Variants in PCTP observed in about 807,000 individuals in gnomAD.
PCTP encodes the protein START domain-containing protein 2.
A neutral mutation model predicts 31.0 loss-of-function variants in PCTP; 27 were observed. The observed-to-expected ratio is 0.87, with a 90% CI of 0.64 to 1.20. The LOEUF (loss-of-function observed/expected upper bound fraction) is 1.20, where lower values mean the gene tolerates loss of function less well. Ranked by LOEUF, PCTP falls within the 50% of genes most tolerant of loss-of-function variation. The probability of loss-of-function intolerance (pLI) is 0.00; values close to 1 mark genes in which losing one functional copy is unlikely to be tolerated. For missense variants in PCTP, 287 were observed against 268.2 expected (o/e 1.07, Z -0.49); for synonymous variants, 108 against 101.2 (o/e 1.07, Z -0.40).
chr17:55,800,073 G>C (rs1309747920), intron 3 of PCTP, among the ~76,000 whole-genome samples: 1 of 152,038 alleles, frequency 6.6e-6, no homozygotes, highest in Admixed American at 6.6e-5. Context: ...TTCTCGAGGA[G>C]TATCTTTGCG....
At chr17:55,847,359 C>T (rs1444747905), downstream of PCTP, among the ~76,000 whole-genome samples, 2 of 152,204 alleles carry the variant, frequency 1.3e-5, no homozygotes, top group Non-Finnish European at 2.9e-5. Context: ...TGCTTGTAAT[C>T]CCCAGGTATT....
rs567849493 is a variant in PCTP at position 55,766,567 on chromosome 17, C to T, written c.142-768C>T. ...GAGAATGATGATTTCCAATTTCATC[C>T]ATGTCCCTACAAAGGACATGAACTC... On this transcript the variant is annotated intron_variant, in intron 1 of 5. Transcript: ENST00000268896. Among the ~76,000 whole-genome samples the T allele has an allele frequency of 7.8e-3, 1,190 of 151,796 alleles. 27 individuals carry two copies. The highest frequency in any genetic ancestry group is 0.027 in the African/African-American group (1,121 of 41,340).
chr17:55,834,057 C>T (rs1436397587), intron 5 of PCTP, among the ~76,000 whole-genome samples: 5 of 152,094 alleles, frequency 3.3e-5, no homozygotes, highest in Non-Finnish European at 5.9e-5. Context: ...TCTCACGAAA[C>T]ACAAGCATAA....
chr17:55,826,470 A>AAG (rs1030719456), downstream of PCTP, among the ~76,000 whole-genome samples: 2 of 151,606 alleles, frequency 1.3e-5, no homozygotes, highest in African/African-American at 4.9e-5. Flanking sequence ...AAGATAAGAA[A>AAG]AAAAAAAAAA....
chr17:55,796,617 C>T (rs554752107), intron 3 of PCTP, among the ~76,000 whole-genome samples: 3 of 152,034 alleles, frequency 2.0e-5, no homozygotes, highest in East Asian at 1.9e-4. Flanking sequence ...TATCATTAGT[C>T]TTTAATTAGG....
chr17:55,844,918 T>G (rs917183798), downstream of PCTP, among the ~76,000 whole-genome samples: 1 of 151,290 alleles, frequency 6.6e-6, no homozygotes, highest in Non-Finnish European at 1.5e-5. Flanking sequence ...TGAAACCCTG[T>G]CTCTACTAGA....
chr17:55,835,156 C>T (rs1193171734), intron 5 of PCTP, among the ~76,000 whole-genome samples: 1 of 152,064 alleles, frequency 6.6e-6, no homozygotes, highest in African/African-American at 2.4e-5. Context: ...AGGGATCCTC[C>T]CTTAGAGACT....
downstream of PCTP, among the ~76,000 whole-genome samples, chr17:55,845,155 A>C (rs1342922367): frequency 6.6e-6 from 1 of 151,266 alleles, no homozygotes; most frequent in Non-Finnish European, 1.5e-5. Context: ...ACGTGCACTA[A>C]ACATTTAATA....
rs750877010 is a variant in PCTP at position 55,751,266 on chromosome 17, G to A, written c.141+22G>A. On this transcript the variant is annotated intron_variant, in intron 1 of 5. Coordinates refer to ENST00000268896, the MANE Select transcript of PCTP (RefSeq NM_021213.4). Reference sequence around the variant, plus strand: ...CAAGGTAGCGGCCAACCCGCTGGAGGACCGCGGGGCCTAGAATGCGCCGGG... The same window carrying A: ...CAAGGTAGCGGCCAACCCGCTGGAGAACCGCGGGGCCTAGAATGCGCCGGG... 3.7e-5 allele frequency: 56 copies of A among 1,528,346 alleles called. No homozygotes were observed. In the African/African-American group the frequency reaches 7.3e-4, roughly 20 times the overall value. The allele number at this position is 1,528,346 out of a possible 1,614,324, so 94.7% of individuals were successfully genotyped here.
rs754425467 is a variant in PCTP at position 55,773,878 on chromosome 17, G to C, written c.494G>C (p.Gly165Ala). The C allele has an allele frequency of 7.5e-6, 12 of 1,606,972 alleles. No individual in the cohort carries two copies. The East Asian group carries it at 2.7e-4, about 36-fold the overall frequency. ...CAGAGCCTGGCGATCGAGAGTGACG[G>C]CAAGAAGGGGAGCAAAGGTAAAACC... ...YKQSLAIESD[G>A]KKGSKVFMYY... Residue 165 changes from glycine to alanine, a missense_variant, in exon 4 of 6, where the codon GGC becomes GCC. Transcript: ENST00000268896.
At chr17:55,845,235 C>T (rs1390528989), downstream of PCTP, among the ~76,000 whole-genome samples, 1 of 152,032 alleles carries the variant, frequency 6.6e-6, no homozygotes, top group African/African-American at 2.4e-5. Context: ...TAGCCTTCAG[C>T]TCAGCCAATA....
At chr17:55,816,611 C>T (rs1254447694) in intron 3 of PCTP, among the ~76,000 whole-genome samples, 1 of 152,198 alleles carries the variant, frequency 6.6e-6, no homozygotes, top group East Asian at 1.9e-4. Flanking sequence ...GCCTATGAGT[C>T]ATAGCTTCCC....
chr17:55,799,065 C>T (rs893695421), intron 3 of PCTP, among the ~76,000 whole-genome samples: 1 of 151,450 alleles, frequency 6.6e-6, no homozygotes, highest in African/African-American at 2.4e-5. Context: ...GATTAGTAAG[C>T]TAATGGGGGG....
chr17:55,833,442 C>T (rs557833059), intron 5 of PCTP, among the ~76,000 whole-genome samples: 1 of 152,314 alleles, frequency 6.6e-6, no homozygotes, highest in South Asian at 2.1e-4. Context: ...ATCCACAGTG[C>T]TGGTCCAAAT....
Position 55,773,725 on chromosome 17 carries a change from A to G in PCTP, c.341A>G (p.Tyr114Cys), listed in dbSNP as rs567847776. 1.2e-5 allele frequency: 20 copies of G among 1,610,008 alleles called. No individual in the cohort carries two copies. The East Asian group carries it at 1.3e-4, about 11-fold the overall frequency. ...GTCTTGCCTTAACTGGCTATGCAGTATGTCTACCTTCGGCAGCGGCGAGAC... is the reference window on the plus strand; with the variant it reads ...GTCTTGCCTTAACTGGCTATGCAGTGTGTCTACCTTCGGCAGCGGCGAGAC... ...KYPFPMSNRD[Y>C]VYLRQRRDLD... The change falls in exon 4 of 6, where the codon TAT (tyrosine) becomes TGT (cysteine). Residue 114 changes from tyrosine (Y) to cysteine (C), a missense_variant and splice_region_variant. By Grantham distance (194) the Tyr-to-Cys change is radical. Transcript: ENST00000268896.
intron 1 of PCTP, among the ~76,000 whole-genome samples, chr17:55,761,907 A>AG (rs1910359816): frequency 6.6e-6 from 1 of 152,170 alleles, no homozygotes; most frequent in African/African-American, 2.4e-5. Context: ...CCTTGATGTC[A>AG]GATTTTTAAA....
At chr17:55,758,050 C>T (rs567707436) in intron 1 of PCTP, among the ~76,000 whole-genome samples, 1 of 152,218 alleles carries the variant, frequency 6.6e-6, no homozygotes, top group Admixed American at 6.5e-5. Context: ...CAAGTCAGGC[C>T]CTTGCAGGAA....
chr17:55,792,592 C>T (rs900361768), intron 3 of PCTP, among the ~76,000 whole-genome samples: 3 of 152,052 alleles, frequency 2.0e-5, no homozygotes, highest in Non-Finnish European at 2.9e-5. Flanking sequence ...AAGCAGTCAG[C>T]AGGTACTTCT....
At chr17:55,833,791 A>G (rs1179160932) in intron 5 of PCTP, among the ~76,000 whole-genome samples, 1 of 152,182 alleles carries the variant, frequency 6.6e-6, no homozygotes, top group African/African-American at 2.4e-5. Flanking sequence ...CCCCCGCTGA[A>G]AGACCTTGCC....
Sources: gnomAD v4.1 joint callset for allele counts (sites outside exome capture counted in the v4.1 genomes callset) on GRCh38, gnomAD v4.1.1 for gene constraint, MANE v1.5 for transcripts, NCBI Gene and HGNC (gene_info 2026-07-23, HGNC 2026-07-21) for gene names.